Variants in MYO1F observed in about 807,000 individuals in gnomAD.
MYO1F encodes the protein myosin IF.
In MYO1F, 60 loss-of-function variants were observed where a neutral mutation model predicts 146.6. That is an observed-to-expected ratio of 0.41 (90% CI 0.33 to 0.51). MYO1F has a LOEUF of 0.51. MYO1F is among the 20% of genes least tolerant of loss of function. The pLI is 0.25. For missense variants in MYO1F, 1,274 were observed against 1,534.3 expected (o/e 0.83, Z 2.83); for synonymous variants, 602 against 602.1 (o/e 1.00, Z 0.00).
At chr19:8,572,444 T>G (rs2042128040) in intron 1 of MYO1F, among the ~76,000 whole-genome samples, 2 of 152,014 alleles carry the variant, frequency 1.3e-5, no homozygotes, top group African/African-American at 4.8e-5. Context: ...ATTTTTGTAT[T>G]TTTAGTAGAG....
chr19:8,522,213 G>T (rs545780864), intron 27 of MYO1F, among the ~76,000 whole-genome samples, 164 bp downstream of exon 27: 6 of 151,884 alleles, frequency 4.0e-5, no homozygotes, highest in Non-Finnish European at 5.9e-5. Flanking sequence ...TAGTAGAGAC[G>T]GGGTTTCACT....
chr19:8,529,814 C>A, intron 21 of MYO1F: 1 of 406,874 alleles, frequency 2.5e-6, no homozygotes, highest in Non-Finnish European at 4.7e-6. Context: ...TACCTGTGGG[C>A]AGGTGTGTCT....
In MYO1F at chr19:8,530,834, G is replaced by A. The variant is rs947799877; in HGVS notation, c.2044-261C>T. Among the ~76,000 whole-genome samples the A allele has an allele frequency of 3.2e-4, 49 of 152,320 alleles. 1 individual carries two copies. Among genetic ancestry groups the A allele is most frequent in the African/African-American group, 1.0e-3 (42 of 41,588 alleles). ...GCGGGTGGATCACCTGAGGTCAGGAGTTTGAGACGAGCCTGACCGACATAG... is the reference window on the plus strand; with the variant it reads ...GCGGGTGGATCACCTGAGGTCAGGAATTTGAGACGAGCCTGACCGACATAG... On this transcript the variant is annotated intron_variant, in intron 19 of 27. Transcript: ENST00000644032. The surrounding 1 kb of genome is among the most constrained non-coding windows in gnomAD (Gnocchi z 5.8).
At chr19:8,574,603 T>C (rs868911558) in intron 1 of MYO1F, among the ~76,000 whole-genome samples, 5,405 of 38,892 alleles carry the variant, frequency 0.14, 118 homozygotes, top group East Asian at 0.18. Flanking sequence ...CTCTCTTTCT[T>C]TCTTTCTTTC....
Position 8,530,428 on chromosome 19 carries a change from C to G in MYO1F, c.2158+31G>C, listed in dbSNP as rs745812373. 6 of 1,613,560 alleles carry G rather than the reference C, an allele frequency of 3.7e-6. No individual in the cohort carries two copies. The highest frequency in any genetic ancestry group is 4.2e-6 in the Non-Finnish European group (5 of 1,179,996). On this transcript the variant is annotated intron_variant, in intron 20 of 27. Coordinates refer to ENST00000644032, the MANE Select transcript of MYO1F (RefSeq NM_012335.4). This position sits in a 1 kb window ranked among gnomAD's most constrained non-coding sequence, Gnocchi z 5.8. ...CAGCTCCTCCAGGTCCTTGTGCCCC[C>G]ACCCCGCGCCGTTTACCCGAAGCCT... is the stretch of plus-strand genomic sequence containing the variant.
intron 21 of MYO1F, among the ~76,000 whole-genome samples, chr19:8,528,840 G>A (rs1972369997): frequency 6.6e-6 from 1 of 152,140 alleles, no homozygotes; most frequent in Admixed American, 6.6e-5. Context: ...AAGTGAGCGG[G>A]TGTGTATCTG....
chr19:8,546,273 A>C (rs1162090158), intron 12 of MYO1F, among the ~76,000 whole-genome samples: 1 of 151,728 alleles, frequency 6.6e-6, no homozygotes, highest in East Asian at 1.9e-4. Context: ...CATGTTGGTC[A>C]GGCTGGTCTC....
At position 8,522,318 on chromosome 19, in the gene MYO1F, G is replaced by C. The variant is rs1032960294; in HGVS notation, c.3220+59C>G. The stretch of plus-strand genomic sequence containing the variant: ...ATTACAGGCGTGAGCCACCGCGCCC[G>C]GCCGATGTCAGGGTTCTTACCACTC... On this transcript the variant is annotated intron_variant, in intron 27 of 27. Coordinates refer to ENST00000644032, the MANE Select transcript of MYO1F (RefSeq NM_012335.4). The C allele has an allele frequency of 9.9e-5, 159 of 1,608,422 alleles. 1 individual carries two copies. Among genetic ancestry groups the C allele is most frequent in the East Asian group, 4.2e-4 (19 of 44,832 alleles).
At chr19:8,531,907 C>CA (rs1176287577) in intron 19 of MYO1F, among the ~76,000 whole-genome samples, 2 of 152,126 alleles carry the variant, frequency 1.3e-5, no homozygotes, top group African/African-American at 4.8e-5. Flanking sequence ...CACCTGAGGT[C>CA]AAGAGTTTGA....
chr19:8,526,736 G>A (rs1972286477), intron 23 of MYO1F, 53 bp downstream of exon 23: 4 of 1,549,958 alleles, frequency 2.6e-6, no homozygotes, highest in Admixed American at 3.9e-5. Context: ...GCGGGAGAGG[G>A]TGCGCCGCGC....
Position 8,536,976 on chromosome 19 carries a change from T to C in MYO1F, c.1772A>G (p.Lys591Arg). 6.2e-7 allele frequency: 1 copy of C among 1,613,070 alleles called. No individual in the cohort carries two copies. Among genetic ancestry groups the C allele is most frequent in the Non-Finnish European group, 8.5e-7 (1 of 1,179,610 alleles). Residue 591 changes from lysine to arginine, a missense_variant, in exon 17 of 28, where the codon AAG becomes AGG. Lys to Arg is a conservative substitution (Grantham distance 26, BLOSUM62 2). Around this residue, in one of 2 missense-constraint regions of MYO1F, gnomAD observed 900 missense variants for 1,155.1 expected, o/e 0.78. Coordinates refer to ENST00000644032, the MANE Select transcript of MYO1F (RefSeq NM_012335.4). Reference sequence around the variant, plus strand: ...GTTCTCCTCCCAGTCTCGGGGCCTCTTGGTCTCGTTGGGTTTGATGCAGCG... The same window carrying C: ...GTTCTCCTCCCAGTCTCGGGGCCTCCTGGTCTCGTTGGGTTTGATGCAGCG... Reference protein sequence around the residue: ...YIRCIKPNETKRPRDWEENRV... With the variant: ...YIRCIKPNETRRPRDWEENRV...
In MYO1F at chr19:8,551,658, C is replaced by T. The variant is rs1008591348; in HGVS notation, c.771+82G>A. 2.5e-5 allele frequency: 40 copies of T among 1,603,880 alleles called. No homozygotes were observed. The South Asian group carries it at 2.9e-4, about 12-fold the overall frequency. On this transcript the variant is annotated intron_variant, in intron 8 of 27. Coordinates refer to ENST00000644032, the MANE Select transcript of MYO1F (RefSeq NM_012335.4). ...TGAGCCACATGCCTGGCCTGGGCTT[C>T]GGTTTCCTAATTTGTAACTCAGGAG... is the stretch of plus-strand genomic sequence containing the variant.
chr19:8,544,767 T>G (rs1973270048), intron 13 of MYO1F, among the ~76,000 whole-genome samples: 1 of 152,008 alleles, frequency 6.6e-6, no homozygotes, highest in African/African-American at 2.4e-5. Flanking sequence ...TAGGGGGACC[T>G]GCCTTATGTA....
chr19:8,570,131 G>A (rs1030508698), intron 1 of MYO1F, among the ~76,000 whole-genome samples: 18 of 151,598 alleles, frequency 1.2e-4, no homozygotes, highest in African/African-American at 2.9e-4. Flanking sequence ...GGAGTGCAGC[G>A]GCATGATCTA....
At chr19:8,554,953 G>A (rs1187159475) in intron 2 of MYO1F, among the ~76,000 whole-genome samples, 1 of 152,092 alleles carries the variant, frequency 6.6e-6, no homozygotes. Flanking sequence ...GAAGGCCGAG[G>A]CAGGCGGATC....
intron 24 of MYO1F, among the ~76,000 whole-genome samples, 180 bp from the exon 25 acceptor site, chr19:8,525,742 C>T (rs1177725590): frequency 6.6e-6 from 1 of 152,062 alleles, no homozygotes; most frequent in African/African-American, 2.4e-5. Flanking sequence ...CCCCAAGGGC[C>T]CAACACCTCA....
intron 13 of MYO1F, among the ~76,000 whole-genome samples, 157 bp from the exon 14 acceptor site, chr19:8,544,621 C>A (rs1005951727): frequency 6.6e-6 from 1 of 150,518 alleles, no homozygotes; most frequent in African/African-American, 2.4e-5. Flanking sequence ...AATACAAGCA[C>A]AAAAGGCGTT....
At position 8,550,256 on chromosome 19, in the gene MYO1F, C is replaced by T; in HGVS notation, c.1005G>A (p.Glu335=). ...KMDSRWGGRS[E]SINVTLNVEQ... ...CCACGTTGAGGGTCACATTGATGGA[C>T]TCGCTGCGCCCGCCCCAGCGGCTGT... Residue 335 remains glutamate, a synonymous_variant, in exon 10 of 28, where the codon GAG becomes GAA. Coordinates refer to ENST00000644032, the MANE Select transcript of MYO1F (RefSeq NM_012335.4). The T allele has an allele frequency of 6.2e-7, 1 of 1,614,206 alleles. No individual in the cohort carries two copies. The highest frequency in any genetic ancestry group is 8.5e-7 in the Non-Finnish European group (1 of 1,180,044).
intron 24 of MYO1F, among the ~76,000 whole-genome samples, chr19:8,526,243 C>T (rs1972260402): frequency 6.6e-6 from 1 of 152,226 alleles, no homozygotes; most frequent in Non-Finnish European, 1.5e-5. Context: ...AAGACAATCG[C>T]TTGAACCCGG....
Sources: allele counts gnomAD v4.1 joint callset (sites outside exome capture counted in the v4.1 genomes callset), GRCh38; gene constraint gnomAD v4.1.1; regional missense constraint gnomAD v4.1.1; non-coding constraint Gnocchi (gnomAD v3.1); transcripts MANE v1.5; gene names NCBI Gene and HGNC (gene_info 2026-07-23, HGNC 2026-07-21).